The following MTUS1 variants were observed in gnomAD, a reference collection of about 807,000 sequenced individuals.
MTUS1 encodes microtubule associated scaffold protein 1, also known as microtubule-associated tumor suppressor 1.
In MTUS1, 109 loss-of-function variants were observed where a neutral mutation model predicts 120.8. The observed-to-expected ratio is 0.90, with a 90% confidence interval of 0.77 to 1.06. The LOEUF (loss-of-function observed/expected upper bound fraction) is 1.06. Ranked by LOEUF, MTUS1 falls within the 50% of genes least tolerant of loss-of-function variation. The pLI, the probability that MTUS1 is intolerant of heterozygous loss-of-function variation, is 0.00. For missense variants in MTUS1, 2,210 were observed against 1,486.3 expected, an observed-to-expected ratio of 1.49 and a Z score of -8.01; for synonymous variants, 737 against 550.5, an observed-to-expected ratio of 1.34 and a Z score of -4.74.
Position 17,711,104 on chromosome 8 carries a change from G to C in MTUS1, c.2623+2110C>G, listed in dbSNP as rs117099934. 4.9e-4 allele frequency among the ~76,000 whole-genome samples: 75 copies of C among 152,238 alleles called. No individual in the cohort carries two copies. In the East Asian group the frequency reaches 0.014, roughly 28 times the overall value. On this transcript the variant is annotated intron_variant, in intron 6 of 14. Coordinates refer to ENST00000693296, the MANE Select transcript of MTUS1 (RefSeq NM_001363059.2). ...AGAGCACAGGCAGAGTAGATTTAAC[G>C]TAATTCTTAAGGGCCCTAGAATTTT... is the stretch of plus-strand genomic sequence containing the variant.
At position 17,797,727 on chromosome 8, in the gene MTUS1, C is replaced by G. The variant is rs1468430150; in HGVS notation, c.-155+3334G>C. Among the ~76,000 whole-genome samples, 4 of 152,192 alleles carry G rather than the reference C, an allele frequency of 2.6e-5. No homozygotes were observed. The South Asian group carries it at 6.2e-4, about 24-fold the overall frequency. On this transcript the variant is annotated intron_variant, in intron 1 of 14. Coordinates refer to ENST00000693296, the MANE Select transcript of MTUS1 (RefSeq NM_001363059.2). The stretch of plus-strand genomic sequence containing the variant: ...GGCCATTTTTAAGTGCCCCTAAGCA[C>G]GCAGATCCTGAACTCCAATTTCATC...
Position 17,645,799 on chromosome 8 carries a change from G to C in MTUS1, c.*127C>G. 1 of 1,250,554 alleles carries C rather than the reference G, an allele frequency of 8.0e-7. No homozygotes were observed. Among genetic ancestry groups the C allele is most frequent in the Non-Finnish European group, 1.0e-6 (1 of 953,474 alleles). The allele number at this position is 1,250,554 out of a possible 1,614,324, so 77.5% of individuals were successfully genotyped here. A position where few individuals can be genotyped will look rare whatever the true frequency, so the allele number is the denominator to read the frequency against. On this transcript the variant is annotated 3_prime_UTR_variant, in exon 15 of 15. Transcript: ENST00000693296. ...AAGCTGCGATTCCGCCGGTGGTGAC[G>C]CTCCAGTTACCCTACGGTGATCACA...
intron 4 of MTUS1, chr8:17,723,451 T>G (rs1333806637): frequency 1.7e-6 from 1 of 592,168 alleles, no homozygotes; most frequent in South Asian, 1.9e-5. Context: ...CGATGCACTT[T>G]CGAATCCTTC....
At chr8:17,703,581 A>C (rs1247410908) in intron 6 of MTUS1, among the ~76,000 whole-genome samples, 1 of 150,040 alleles carries the variant, frequency 6.7e-6, no homozygotes, top group South Asian at 2.1e-4. Flanking sequence ...GTGAGCCGAG[A>C]TCGCGCCACT....
At chr8:17,790,940 C>T (rs1038591247) in intron 1 of MTUS1, among the ~76,000 whole-genome samples, 1 of 152,012 alleles carries the variant, frequency 6.6e-6, no homozygotes, top group African/African-American at 2.4e-5. Context: ...TCAGCCGGAT[C>T]GTACCACTGC....
intron 1 of MTUS1, among the ~76,000 whole-genome samples, chr8:17,783,602 T>C (rs1446095224): frequency 6.6e-6 from 1 of 152,160 alleles, no homozygotes; most frequent in Non-Finnish European, 1.5e-5. Flanking sequence ...AGTTGGGCAT[T>C]GTTTAGCTTT....
chr8:17,673,815 G>A (rs1234978959), intron 8 of MTUS1, among the ~76,000 whole-genome samples: 2 of 152,180 alleles, frequency 1.3e-5, no homozygotes, highest in Non-Finnish European at 2.9e-5. Context: ...GAAGGTGGGA[G>A]AATTAAGAGT....
chr8:17,698,455 T>C (rs2130890106), intron 6 of MTUS1, among the ~76,000 whole-genome samples: 1 of 152,352 alleles, frequency 6.6e-6, no homozygotes, highest in East Asian at 1.9e-4. Flanking sequence ...CCACTTAAGC[T>C]AATTCCATTA....
At chr8:17,722,887 C>G (rs912740114) in intron 4 of MTUS1, among the ~76,000 whole-genome samples, 5 of 152,280 alleles carry the variant, frequency 3.3e-5, no homozygotes, top group Middle Eastern at 3.4e-3. Context: ...AGAAACTGAT[C>G]TGTCAAACTG....
chr8:17,797,052 C>T (rs746412043), intron 1 of MTUS1, among the ~76,000 whole-genome samples: 1 of 151,964 alleles, frequency 6.6e-6, no homozygotes, highest in African/African-American at 2.4e-5. Context: ...GTGGGGGTTG[C>T]AGTGAGCTGA....
intron 2 of MTUS1, among the ~76,000 whole-genome samples, chr8:17,746,780 C>T (rs1486054110): frequency 6.6e-6 from 1 of 152,186 alleles, no homozygotes; most frequent in Non-Finnish European, 1.5e-5. Flanking sequence ...GTATATGTAT[C>T]AATTCACTTA....
intron 1 of MTUS1, among the ~76,000 whole-genome samples, chr8:17,777,577 C>T (rs1181497736): frequency 2.0e-5 from 3 of 152,104 alleles, no homozygotes; most frequent in Non-Finnish European, 2.9e-5. Flanking sequence ...TCTACAGAGA[C>T]GTGGATGGGA....
rs147812198 is a variant in MTUS1, at chr8:17,655,634, G to T, written c.3108+229C>A. 3.9e-4 allele frequency among the ~76,000 whole-genome samples: 60 copies of T among 152,244 alleles called. No homozygotes were observed. In the East Asian group the frequency reaches 8.9e-3, roughly 23 times the overall value. On this transcript the variant is annotated intron_variant, in intron 9 of 14. Coordinates refer to ENST00000693296, the MANE Select transcript of MTUS1 (RefSeq NM_001363059.2). The stretch of plus-strand genomic sequence containing the variant: ...AGCTACTCAGGAGGTTGAGGAAGGA[G>T]AATCACTTGAACCCGGGAGGCAGAG...
Position 17,755,398 on chromosome 8 carries a change from G to A in MTUS1, c.410C>T (p.Pro137Leu), listed in dbSNP as rs1426577756. The change falls in exon 2 of 15, where the codon CCT becomes CTT. Residue 137 changes from proline to leucine, a missense_variant. By Grantham distance (98) the Pro-to-Leu change is moderately conservative. Transcript: ENST00000693296. ...ATTGTCATTAGGCTTCCACACAAAA[G>A]GCAAAGATGGCTCAACACTCTGGCC... ...VEGQSVEPSLPFVWKPNDNLN... is the reference protein window; with the variant it reads ...VEGQSVEPSLLFVWKPNDNLN... 1 of 1,614,188 alleles carries A rather than the reference G, an allele frequency of 6.2e-7. No homozygotes were observed. Among genetic ancestry groups the A allele is most frequent in the South Asian group, 1.1e-5 (1 of 91,086 alleles).
chr8:17,676,354 C>A (rs1383883289), intron 7 of MTUS1: 2 of 702,906 alleles, frequency 2.8e-6, no homozygotes, highest in Non-Finnish European at 5.2e-6. Context: ...CTCCAAGTCC[C>A]CCCACCCCTC....
intron 6 of MTUS1, among the ~76,000 whole-genome samples, chr8:17,696,682 G>C (rs1232287584): frequency 6.6e-6 from 1 of 152,106 alleles, no homozygotes; most frequent in African/African-American, 2.4e-5. Flanking sequence ...ATAAACCTCA[G>C]GGGAAGTATT....
intron 8 of MTUS1, among the ~76,000 whole-genome samples, chr8:17,668,304 G>A (rs770679039): frequency 6.6e-5 from 10 of 152,208 alleles, no homozygotes; most frequent in African/African-American, 9.6e-5. Context: ...AACGTGGCCC[G>A]GGGAAGCCAA....
At chr8:17,737,061 C>T (rs1191434845) in intron 3 of MTUS1, among the ~76,000 whole-genome samples, 4 of 152,224 alleles carry the variant, frequency 2.6e-5, no homozygotes, top group Non-Finnish European at 5.9e-5. Context: ...CTCCTTCACA[C>T]ATATGTGGTT....
At chr8:17,760,468 A>G (rs566002070) in intron 1 of MTUS1, among the ~76,000 whole-genome samples, 6 of 152,260 alleles carry the variant, frequency 3.9e-5, no homozygotes, top group Non-Finnish European at 7.4e-5. Flanking sequence ...AAAGAAAACA[A>G]TGGCTTTAAG....
Sources: allele counts gnomAD v4.1 joint callset (sites outside exome capture counted in the v4.1 genomes callset), GRCh38; gene constraint gnomAD v4.1.1; transcripts MANE v1.5; gene names NCBI Gene and HGNC (gene_info 2026-07-23, HGNC 2026-07-21).